The following THSD7A variants were observed in gnomAD, a reference collection of about 807,000 sequenced individuals.
THSD7A encodes the protein thrombospondin type 1 domain containing 7A, also known as thrombospondin type-1 domain-containing protein 7A.
In THSD7A, 96 loss-of-function variants were observed where a neutral mutation model predicts 231.3. The observed-to-expected ratio is 0.41, with a 90% CI of 0.35 to 0.49. The LOEUF (loss-of-function observed/expected upper bound fraction) is 0.49, where lower values mean the gene tolerates loss of function less well. THSD7A is among the 20% of genes least tolerant of loss of function. The probability of loss-of-function intolerance (pLI) is 0.05; values close to 1 mark genes in which losing one functional copy is unlikely to be tolerated. For synonymous variants in THSD7A, 940 were observed against 743.3 expected (o/e 1.26, Z -4.30); for missense variants, 2,290 against 2,070.2 (o/e 1.11, Z -2.06).
intron 1 of THSD7A, among the ~76,000 whole-genome samples, chr7:11,808,003 T>C (rs1258775742): frequency 6.6e-6 from 1 of 152,044 alleles, no homozygotes. Flanking sequence ...ATGCTCCCCA[T>C]TGTTTCCTGG....
intron 1 of THSD7A, chr7:11,821,108 T>G (rs536447791): frequency 1.9e-4 from 202 of 1,053,544 alleles, no homozygotes; most frequent in Middle Eastern, 6.3e-4. Context: ...AACTTGTTTT[T>G]GGCTGCCTCT....
At chr7:11,766,818 G>C (rs146313265) in intron 1 of THSD7A, among the ~76,000 whole-genome samples, 1,526 of 152,142 alleles carry the variant, frequency 0.01, 20 homozygotes, top group African/African-American at 0.034. Context: ...AGTGGGGTTT[G>C]GTTTACACAG....
intron 23 of THSD7A, among the ~76,000 whole-genome samples, chr7:11,398,279 C>T (rs958176348): frequency 2.0e-5 from 3 of 152,112 alleles, no homozygotes; most frequent in Admixed American, 1.3e-4. Context: ...AGCAAACTAA[C>T]ACAGAAACAG....
intron 16 of THSD7A, among the ~76,000 whole-genome samples, chr7:11,419,466 G>A (rs1161982851): frequency 1.3e-5 from 2 of 152,100 alleles, no homozygotes; most frequent in African/African-American, 2.4e-5. Flanking sequence ...GTCTCCTCAT[G>A]CCTCCCCAGA....
intron 6 of THSD7A, among the ~76,000 whole-genome samples, chr7:11,501,205 A>C (rs1020293153): frequency 1.3e-5 from 2 of 152,210 alleles, no homozygotes; most frequent in Non-Finnish European, 2.9e-5. Flanking sequence ...CTCCACTGAC[A>C]GTATTAGACA....
intron 13 of THSD7A, among the ~76,000 whole-genome samples, chr7:11,430,084 G>C (rs778455945): frequency 2.0e-5 from 3 of 152,152 alleles, no homozygotes; most frequent in African/African-American, 7.2e-5. Context: ...TGGAGAGAAG[G>C]TGTTCTTGGT....
intron 1 of THSD7A, among the ~76,000 whole-genome samples, chr7:11,721,435 A>G (rs1019723892): frequency 2.0e-5 from 3 of 151,746 alleles, no homozygotes; most frequent in African/African-American, 7.3e-5. Context: ...GCCATGTAAG[A>G]CATGCCTGCT....
At chr7:11,398,717 A>G (rs1039939728) in intron 23 of THSD7A, among the ~76,000 whole-genome samples, 1 of 152,164 alleles carries the variant, frequency 6.6e-6, no homozygotes, top group East Asian at 1.9e-4. Flanking sequence ...ACACTGACAC[A>G]CAGATATTAT....
In THSD7A at chr7:11,720,578, A is replaced by G. The variant is rs1254900425; in HGVS notation, c.191-83617T>C. The stretch of plus-strand genomic sequence containing the variant: ...GCATGTTGTGTTTCAGTTTTGCCCT[A>G]ACAGATTCCTTGCAGTTTAACTCTT... On this transcript the variant is annotated intron_variant, in intron 1 of 27. Transcript: ENST00000423059. Among the ~76,000 whole-genome samples, 8 of 151,766 alleles carry G rather than the reference A, an allele frequency of 5.3e-5. No homozygotes were observed. The Admixed American group carries it at 5.3e-4, about 10-fold the overall frequency.
At chr7:11,478,081 A>G (rs115381624) in intron 7 of THSD7A, among the ~76,000 whole-genome samples, 34 of 152,232 alleles carry the variant, frequency 2.2e-4, no homozygotes, top group African/African-American at 7.7e-4. Context: ...AACTCTCACT[A>G]TGTTAAATAC....
chr7:11,551,539 C>T (rs1392583972), intron 4 of THSD7A, among the ~76,000 whole-genome samples: 6 of 151,964 alleles, frequency 3.9e-5, no homozygotes, highest in East Asian at 1.9e-4. Context: ...AACTATAATA[C>T]ATGAATAGAC....
intron 11 of THSD7A, 38 bp downstream of exon 11, chr7:11,460,624 G>A (rs746254627): frequency 2.2e-5 from 33 of 1,523,212 alleles, no homozygotes; most frequent in Middle Eastern, 3.6e-4. Flanking sequence ...TTAAACTAGC[G>A]ATGCTGGAGA....
intron 1 of THSD7A, among the ~76,000 whole-genome samples, chr7:11,699,387 A>G (rs1186048859): frequency 2.0e-5 from 3 of 151,272 alleles, no homozygotes; most frequent in Non-Finnish European, 3.0e-5. Context: ...TTACTAGAAA[A>G]TGCCTTTGTA....
intron 1 of THSD7A, among the ~76,000 whole-genome samples, chr7:11,670,226 T>C (rs1205045432): frequency 2.0e-5 from 3 of 152,132 alleles, no homozygotes; most frequent in Non-Finnish European, 2.9e-5. Context: ...GAAACCTAGT[T>C]TTACACCAGA....
intron 1 of THSD7A, among the ~76,000 whole-genome samples, chr7:11,735,855 G>GA (rs1781897045): frequency 6.6e-6 from 1 of 151,850 alleles, no homozygotes; most frequent in Non-Finnish European, 1.5e-5. Flanking sequence ...AGTAGACATG[G>GA]AAAATTGACA....
At chr7:11,695,159 A>G (rs75352749) in intron 1 of THSD7A, among the ~76,000 whole-genome samples, 64 of 151,684 alleles carry the variant, frequency 4.2e-4, no homozygotes, top group Admixed American at 7.2e-4. Flanking sequence ...AGTTTCATAG[A>G]TCTTTCATCA....
At chr7:11,797,405 CCT>C (rs1327947307) in intron 1 of THSD7A, among the ~76,000 whole-genome samples, 2,185 of 146,836 alleles carry the variant, frequency 0.015, 41 homozygotes, top group Non-Finnish European at 0.025. Flanking sequence ...TTTCTTTCTG[CCT>C]CTCTCTTTTT....
chr7:11,580,333 C>T (rs965939135), intron 4 of THSD7A, among the ~76,000 whole-genome samples: 3 of 151,990 alleles, frequency 2.0e-5, no homozygotes, highest in African/African-American at 4.8e-5. Context: ...GGTACAGGTT[C>T]GTTATTAAGG....
chr7:11,677,250 A>C (rs1463702693), intron 1 of THSD7A, among the ~76,000 whole-genome samples: 1 of 152,110 alleles, frequency 6.6e-6, no homozygotes, highest in Non-Finnish European at 1.5e-5. Flanking sequence ...CCTGCCTTAC[A>C]AGGGCTCCTG....
Sources: allele counts gnomAD v4.1 joint callset (sites outside exome capture counted in the v4.1 genomes callset), GRCh38; gene constraint gnomAD v4.1.1; transcripts MANE v1.5; gene names NCBI Gene and HGNC (gene_info 2026-07-23, HGNC 2026-07-21).